Variants in RHBDL3 observed in about 807,000 individuals in gnomAD.
The protein encoded by RHBDL3 is rhomboid like 3, also known as rhomboid-related protein 3.
RHBDL3 carries 28 observed loss-of-function variants against 48.2 expected under a neutral mutation model. The ratio of observed to expected loss-of-function variants is 0.58; its 90% CI spans 0.43 to 0.80. The LOEUF (loss-of-function observed/expected upper bound fraction) is 0.80. RHBDL3 is among the 30% of genes least tolerant of loss of function. The pLI, the probability that RHBDL3 is intolerant of heterozygous loss-of-function variation, is 0.00. For missense variants in RHBDL3, 464 were observed against 542.7 expected, an observed-to-expected ratio of 0.85 and a Z score of 1.44; for synonymous variants, 208 against 232.3, an observed-to-expected ratio of 0.90 and a Z score of 0.95.
chr17:32,267,750 C>A (rs2039671052), intron 1 of RHBDL3, 152 bp from the exon 2 acceptor site: 1 of 1,437,298 alleles, frequency 7.0e-7, no homozygotes, highest in South Asian at 1.3e-5. Flanking sequence ...CCCCTGCTCT[C>A]CTGTGGCCAG....
chr17:32,276,682 C>T (rs1001106672), intron 2 of RHBDL3, among the ~76,000 whole-genome samples: 9 of 148,182 alleles, frequency 6.1e-5, no homozygotes, highest in African/African-American at 1.7e-4. Context: ...GCGCTAGCAC[C>T]GTACTCCAGC....
chr17:32,294,516 A>G, intron 5 of RHBDL3, 74 bp downstream of exon 5: 5 of 1,379,696 alleles, frequency 3.6e-6, no homozygotes, highest in South Asian at 3.1e-5. Context: ...CCTGGATTGA[A>G]ATATAGTTTT....
At position 32,322,647 on chromosome 17, in the gene RHBDL3, G is replaced by A. The variant is rs75618522; in HGVS notation, c.*1418G>A. Reference sequence around the variant, plus strand: ...TTGTTGGGTGCATGGATGAACCTCAGAGGGAGGGCAGCCAGTAGCCTCGGA... The same window carrying A: ...TTGTTGGGTGCATGGATGAACCTCAAAGGGAGGGCAGCCAGTAGCCTCGGA... On this transcript the variant is annotated 3_prime_UTR_variant, in exon 9 of 9. Coordinates refer to ENST00000269051, the MANE Select transcript of RHBDL3 (RefSeq NM_138328.3). 3 of 152,326 alleles carry A rather than the reference G, an allele frequency of 2.0e-5. No individual in the cohort carries two copies. Among genetic ancestry groups the A allele is most frequent in the Admixed American group, 6.5e-5 (1 of 15,296 alleles). The allele number at this position is 152,326 out of a possible 1,614,324, so 9.4% of individuals were successfully genotyped here.
intron 1 of RHBDL3, 143 bp from the exon 2 acceptor site, chr17:32,267,759 A>C: frequency 7.1e-7 from 1 of 1,406,760 alleles, no homozygotes. Context: ...TCCTGTGGCC[A>C]GTCCCTGAGC....
Position 32,309,770 on chromosome 17 carries a change from CTTTTTT to C in RHBDL3, c.882+4351_882+4356del, listed in dbSNP as rs11346917. Among the ~76,000 whole-genome samples the C allele has an allele frequency of 6.6e-4, 83 of 124,824 alleles. No homozygotes were observed. The East Asian group carries it at 0.016, about 24-fold the overall frequency. The allele number at this position is 124,824 out of a possible 152,430, so 81.9% of individuals were successfully genotyped here. On this transcript the variant is annotated intron_variant, in intron 7 of 8. Transcript: ENST00000269051. ...GCAAAAAGCCCTATAATCAAGACTT[CTTTTTT>C]TTTTTTTTTTTTTTTTTTTTTGAGA... is the stretch of plus-strand genomic sequence containing the variant.
In RHBDL3 at chr17:32,277,542, C is replaced by T. The variant is rs182867770; in HGVS notation, c.136-7117C>T. 5.9e-5 allele frequency among the ~76,000 whole-genome samples: 9 copies of T among 152,336 alleles called. No homozygotes were observed. In the East Asian group the frequency reaches 1.4e-3, roughly 23 times the overall value. Reference sequence around the variant, plus strand: ...CTCAGTGGCCCCATTAGGCCAGTCACGGACTCCTCAGCCTCTTCTGAGGCC... The same window carrying T: ...CTCAGTGGCCCCATTAGGCCAGTCATGGACTCCTCAGCCTCTTCTGAGGCC... On this transcript the variant is annotated intron_variant, in intron 2 of 8. Coordinates refer to ENST00000269051, the MANE Select transcript of RHBDL3 (RefSeq NM_138328.3).
rs2150708745 is a variant in RHBDL3 at position 32,284,747 on chromosome 17, G to A, written c.224G>A (p.Arg75Lys). Residue 75 changes from arginine to lysine, a missense_variant, in exon 3 of 9, where the codon AGG (arginine) becomes AAG (lysine). Arg to Lys is a conservative substitution (Grantham distance 26). Transcript: ENST00000269051. ...AGCTCCAAGCTGGACCCGCACAAAA[G>A]GGAGGTCCTCCTGGCTCTTGCCGAC... ...SHSSKLDPHK[R>K]EVLLALADSH... 2.5e-6 allele frequency: 4 copies of A among 1,614,154 alleles called. No individual in the cohort carries two copies. The highest frequency in any genetic ancestry group is 3.4e-6 in the Non-Finnish European group (4 of 1,180,010).
chr17:32,297,578 G>A (rs916211164), intron 5 of RHBDL3, among the ~76,000 whole-genome samples: 4 of 151,734 alleles, frequency 2.6e-5, no homozygotes, highest in African/African-American at 7.3e-5. Flanking sequence ...TTGTGTCAGC[G>A]TGGCCACTAA....
At chr17:32,287,610 C>T (rs1308113033) in intron 3 of RHBDL3, among the ~76,000 whole-genome samples, 1 of 152,182 alleles carries the variant, frequency 6.6e-6, no homozygotes, top group African/African-American at 2.4e-5. Flanking sequence ...CCTAGATCCT[C>T]CCCAGCCATC....
chr17:32,320,464 C>T (rs1236229766), intron 8 of RHBDL3, among the ~76,000 whole-genome samples: 1 of 151,558 alleles, frequency 6.6e-6, no homozygotes, highest in East Asian at 2.0e-4. Flanking sequence ...GCTGGGATTA[C>T]GGGAGCCCAC....
intron 4 of RHBDL3, among the ~76,000 whole-genome samples, chr17:32,294,079 G>C (rs1456269355): frequency 2.0e-5 from 3 of 147,812 alleles, no homozygotes; most frequent in Non-Finnish European, 4.4e-5. Context: ...CGTGAACCGA[G>C]ATTGTGCCAT....
At chr17:32,271,453 G>A (rs1184873054) in intron 2 of RHBDL3, among the ~76,000 whole-genome samples, 12 of 151,982 alleles carry the variant, frequency 7.9e-5, no homozygotes, top group Admixed American at 7.2e-4. Flanking sequence ...TCCCTTTTTC[G>A]GGTTATGCTT....
At chr17:32,290,740 C>T (rs1437050878) in intron 4 of RHBDL3, among the ~76,000 whole-genome samples, 1 of 152,156 alleles carries the variant, frequency 6.6e-6, no homozygotes, top group East Asian at 1.9e-4. Flanking sequence ...CAGTGGTTCA[C>T]ACCTGTAATG....
At chr17:32,283,300 A>G (rs1206965263) in intron 2 of RHBDL3, among the ~76,000 whole-genome samples, 1 of 149,934 alleles carries the variant, frequency 6.7e-6, no homozygotes, top group Non-Finnish European at 1.5e-5. Context: ...GAGGTGACTA[A>G]GATCCTGCCT....
In RHBDL3 at chr17:32,322,742, AGATG is replaced by A. The variant is rs1398731209; in HGVS notation, c.*1516_*1519del. Reference sequence around the variant, plus strand: ...ACCCCATTACACAGGTGAGAAAACAAGATGGAGGGAATGACCCTCCTAACAGGAG... The same window carrying A: ...ACCCCATTACACAGGTGAGAAAACAAGAGGGAATGACCCTCCTAACAGGAG... On this transcript the variant is annotated 3_prime_UTR_variant, in exon 9 of 9. Coordinates refer to ENST00000269051, the MANE Select transcript of RHBDL3 (RefSeq NM_138328.3). The A allele has an allele frequency of 1.3e-5, 2 of 152,322 alleles. No individual in the cohort carries two copies. The highest frequency in any genetic ancestry group is 4.8e-5 in the African/African-American group (2 of 41,450). 9.4% of individuals were successfully genotyped at this position (152,322 alleles called of 1,614,324 possible).
chr17:32,266,981 C>A (rs1158842796), intron 1 of RHBDL3, among the ~76,000 whole-genome samples: 7 of 152,062 alleles, frequency 4.6e-5, no homozygotes, highest in Admixed American at 4.6e-4. Context: ...CTGCTCGGGT[C>A]TCCATCCCTC....
intron 2 of RHBDL3, among the ~76,000 whole-genome samples, chr17:32,276,674 GCTAGCACCGTACTCCAGCC>G (rs1431260790): frequency 8.0e-6 from 1 of 125,228 alleles, no homozygotes; most frequent in Non-Finnish European, 1.8e-5. Context: ...GGACTCCAGC[GCTAGCACCGTACTCCAGCC>G]CTAGCACAGT....
intron 4 of RHBDL3, among the ~76,000 whole-genome samples, chr17:32,289,425 C>A (rs967826997): frequency 6.6e-6 from 1 of 152,158 alleles, no homozygotes; most frequent in Non-Finnish European, 1.5e-5. Context: ...GTCATTTGCT[C>A]CTTTTTCCCG....
intron 8 of RHBDL3, among the ~76,000 whole-genome samples, chr17:32,317,835 G>A (rs2041012590): frequency 6.6e-6 from 1 of 152,128 alleles, no homozygotes; most frequent in South Asian, 2.1e-4. Flanking sequence ...AATAGATTGT[G>A]GGGACAAGGG....
Sources: gnomAD v4.1 joint callset for allele counts (sites outside exome capture counted in the v4.1 genomes callset) on GRCh38, gnomAD v4.1.1 for gene constraint, MANE v1.5 for transcripts, NCBI Gene and HGNC (gene_info 2026-07-23, HGNC 2026-07-21) for gene names.